The following ABAT variants were observed in gnomAD, a reference collection of about 807,000 sequenced individuals.
ABAT encodes 4-aminobutyrate aminotransferase.
Under a neutral mutation model 64.6 loss-of-function variants are expected in ABAT, and 45 were observed. The observed-to-expected ratio is 0.70, with a 90% CI of 0.55 to 0.89. The LOEUF is 0.89. ABAT is among the 40% of genes least tolerant of loss of function. ABAT has a pLI of 0.00. For synonymous variants in ABAT, 297 were observed against 250.5 expected, an observed-to-expected ratio of 1.19 and a Z score of -1.75; for missense variants, 633 against 658.4, an observed-to-expected ratio of 0.96 and a Z score of 0.42.
intron 1 of ABAT, chr16:8,705,339 C>T (rs2057915996): frequency 6.6e-6 from 1 of 152,096 alleles, no homozygotes; most frequent in African/African-American, 2.4e-5. Flanking sequence ...ATCATGAGAA[C>T]AGTATGGGGG....
chr16:8,689,079 C>CAAAA (rs35850996), intron 1 of ABAT, among the ~76,000 whole-genome samples: 1 of 85,894 alleles, frequency 1.2e-5, no homozygotes, highest in African/African-American at 4.0e-5. Flanking sequence ...GACCCTGTCT[C>CAAAA]AAAAAAAAAA....
At chr16:8,677,683 C>G (rs539229576) in intron 1 of ABAT, among the ~76,000 whole-genome samples, 1 of 152,268 alleles carries the variant, frequency 6.6e-6, no homozygotes, top group East Asian at 1.9e-4. Flanking sequence ...GAGTCATGTC[C>G]ATCAGAAATG....
rs780498086 is a variant in ABAT at position 8,779,574 on chromosome 16, A to T, written c.1365A>T (p.Leu455Phe). 5 of 1,613,902 alleles carry T rather than the reference A, an allele frequency of 3.1e-6. No individual in the cohort carries two copies. The highest frequency in any genetic ancestry group is 4.2e-6 in the Non-Finnish European group (5 of 1,179,970). The change falls in exon 15 of 16, where the codon TTA becomes TTT. Residue 455 changes from leucine (L) to phenylalanine (F), a missense_variant. Transcript: ENST00000268251. The part of the protein sequence containing the change: ...PDDSIRNKLI[L>F]IARNKGVVLG... ...ATTCCATACGGAATAAGCTCATTTT[A>T]ATTGCCAGAAACAAAGGTAAGGGGT...
At chr16:8,769,627 G>C (rs904347438) in intron 11 of ABAT, among the ~76,000 whole-genome samples, 3 of 151,536 alleles carry the variant, frequency 2.0e-5, no homozygotes, top group African/African-American at 7.3e-5. Context: ...GGAAAAAATG[G>C]TTCCACAAGA....
At chr16:8,773,655 TTCTA>T (rs1338503412) in intron 12 of ABAT, among the ~76,000 whole-genome samples, 1 of 152,214 alleles carries the variant, frequency 6.6e-6, no homozygotes, top group Non-Finnish European at 1.5e-5. Context: ...GATCTTATTC[TTCTA>T]TCTAACTGTA....
chr16:8,690,397 T>G (rs1440179966), intron 1 of ABAT, among the ~76,000 whole-genome samples: 1 of 152,226 alleles, frequency 6.6e-6, no homozygotes, highest in African/African-American at 2.4e-5. Context: ...CACAGAAGCT[T>G]AGAGAGCTTA....
intron 1 of ABAT, chr16:8,715,209 A>G (rs774633813): frequency 1.3e-5 from 2 of 152,218 alleles, no homozygotes; most frequent in Non-Finnish European, 2.9e-5. Context: ...TAAAACGCCA[A>G]TGTCTTTTAA....
intron 6 of ABAT, among the ~76,000 whole-genome samples, chr16:8,762,839 G>A (rs918390120): frequency 3.3e-5 from 5 of 152,132 alleles, no homozygotes; most frequent in African/African-American, 1.2e-4. Flanking sequence ...GGGCACAGTG[G>A]CTCACACTTG....
intron 6 of ABAT, among the ~76,000 whole-genome samples, chr16:8,761,410 A>G (rs2059794922): frequency 6.6e-6 from 1 of 151,970 alleles, no homozygotes; most frequent in Non-Finnish European, 1.5e-5. Context: ...TCCACCTCAA[A>G]TGCTAAGCCC....
chr16:8,707,989 T>G (rs1464387559), intron 1 of ABAT, among the ~76,000 whole-genome samples: 1 of 152,184 alleles, frequency 6.6e-6, no homozygotes, highest in Non-Finnish European at 1.5e-5. Context: ...ATGTCATGAT[T>G]AAAATCAGTG....
chr16:8,716,766 A>T (rs2058226605), intron 1 of ABAT, among the ~76,000 whole-genome samples: 1 of 152,218 alleles, frequency 6.6e-6, no homozygotes, highest in Non-Finnish European at 1.5e-5. Flanking sequence ...AGGCCCAGGC[A>T]GGCCGTGGCA....
chr16:8,735,726 T>A lies in ABAT; in HGVS notation c.-14T>A, dbSNP rs1199469852. ...TGGCAGCACGCAAAGGGTGTCCCTG[T>A]CCCTCAAGGGGTCATGGCCTCCATG... On this transcript the variant is annotated 5_prime_UTR_variant, in exon 2 of 16. Transcript: ENST00000268251. The A allele has an allele frequency of 6.3e-7, 1 of 1,594,650 alleles. No individual in the cohort carries two copies. Among genetic ancestry groups the A allele is most frequent in the African/African-American group, 1.3e-5 (1 of 74,750 alleles).
chr16:8,682,673 G>C (rs1333270213), intron 1 of ABAT, among the ~76,000 whole-genome samples: 1 of 152,138 alleles, frequency 6.6e-6, no homozygotes, highest in African/African-American at 2.4e-5. Context: ...TCCCATTTAG[G>C]TGCTAACATC....
intron 1 of ABAT, among the ~76,000 whole-genome samples, chr16:8,711,418 G>A (rs1281435795): frequency 6.6e-6 from 1 of 152,148 alleles, no homozygotes; most frequent in Non-Finnish European, 1.5e-5. Context: ...TCCGTGGCGT[G>A]GTGGTGAAGG....
At chr16:8,743,007 TAA>T (rs71152928) in intron 2 of ABAT, among the ~76,000 whole-genome samples, 4,059 of 124,180 alleles carry the variant, frequency 0.033, 195 homozygotes, top group African/African-American at 0.11. Context: ...CTCATTTCTT[TAA>T]AAAAAAAAAA....
chr16:8,735,815 C>G lies in ABAT; in HGVS notation c.70+6C>G, dbSNP rs369944447. On this transcript the variant is annotated splice_donor_region_variant and intron_variant, in intron 2 of 15. Coordinates refer to ENST00000268251, the MANE Select transcript of ABAT (RefSeq NM_020686.6). The stretch of plus-strand genomic sequence containing the variant: ...CTACCGCCTGCTGGTGCCTGGTAAG[C>G]CCCGGGGGTCTTGATAAGAACTGGT... The G allele has an allele frequency of 6.3e-7, 1 of 1,597,736 alleles. No homozygotes were observed. Among genetic ancestry groups the G allele is most frequent in the Non-Finnish European group, 8.5e-7 (1 of 1,172,180 alleles).
At chr16:8,766,876 G>A (rs964468727) in intron 9 of ABAT, among the ~76,000 whole-genome samples, 2 of 151,960 alleles carry the variant, frequency 1.3e-5, no homozygotes, top group Non-Finnish European at 2.9e-5. Context: ...GGCTGAGGCA[G>A]GAGAATCGCT....
chr16:8,769,086 T>C (rs953768520), intron 11 of ABAT, 113 bp downstream of exon 11: 18 of 1,469,780 alleles, frequency 1.2e-5, no homozygotes, highest in Admixed American at 7.1e-5. Flanking sequence ...ATCTGTGCAG[T>C]GCTCCCCCAG....
intron 1 of ABAT, among the ~76,000 whole-genome samples, chr16:8,698,612 G>C (rs2057754227): frequency 6.6e-6 from 1 of 152,154 alleles, no homozygotes; most frequent in Non-Finnish European, 1.5e-5. Context: ...GGGATTACAG[G>C]CGTGAGCCAC....
Sources: gnomAD v4.1 joint callset for allele counts (sites outside exome capture counted in the v4.1 genomes callset) on GRCh38, gnomAD v4.1.1 for gene constraint, MANE v1.5 for transcripts, NCBI Gene and HGNC (gene_info 2026-07-23, HGNC 2026-07-21) for gene names.